Variants in CHN2 observed in about 807,000 individuals in gnomAD.
The protein encoded by CHN2 is beta-chimaerin.
CHN2 carries 35 observed loss-of-function variants against 56.3 expected under a neutral mutation model. The observed-to-expected ratio is 0.62, with a 90% CI of 0.47 to 0.82. The LOEUF is 0.82. Ranked by LOEUF, CHN2 falls within the 40% of genes least tolerant of loss-of-function variation. The probability of loss-of-function intolerance (pLI) is 0.00; values close to 1 mark genes in which losing one functional copy is unlikely to be tolerated. For synonymous variants in CHN2, 210 were observed against 212.8 expected (o/e 0.99, Z 0.12); for missense variants, 491 against 580.5 (o/e 0.85, Z 1.58).
chr7:29,381,747 T>A (rs1800522298), intron 3 of CHN2, among the ~76,000 whole-genome samples: 1 of 135,732 alleles, frequency 7.4e-6, no homozygotes, highest in Admixed American at 9.1e-5. Context: ...GATTTTGATT[T>A]AATGGAAATA....
At chr7:29,189,722 CCAGT>C (rs2128752785) in intron 2 of CHN2, among the ~76,000 whole-genome samples, 1 of 151,814 alleles carries the variant, frequency 6.6e-6, no homozygotes, top group South Asian at 2.1e-4. Context: ...CTCTGTCTTT[CCAGT>C]CAAAGAGACT....
intron 2 of CHN2, among the ~76,000 whole-genome samples, chr7:29,167,186 T>A (rs974896438): frequency 6.6e-6 from 1 of 152,218 alleles, no homozygotes; most frequent in Non-Finnish European, 1.5e-5. Context: ...TTAAACTAAC[T>A]TTTAATTATT....
chr7:29,365,806 A>G (rs1484587882), intron 2 of CHN2, among the ~76,000 whole-genome samples: 1 of 152,208 alleles, frequency 6.6e-6, no homozygotes, highest in African/African-American at 2.4e-5. Flanking sequence ...GCTTTTAAGC[A>G]GGGGAGTGAC....
chr7:29,195,150 C>T, intron 1 of CHN2, 160 bp downstream of exon 1: 1 of 666,816 alleles, frequency 1.5e-6, no homozygotes, highest in Non-Finnish European at 2.3e-6. Flanking sequence ...TCGCCAGCAC[C>T]TCGGTGCCCA....
chr7:29,254,578 A>G (rs529167068), intron 1 of CHN2, among the ~76,000 whole-genome samples: 14 of 152,306 alleles, frequency 9.2e-5, no homozygotes, highest in Admixed American at 2.0e-4. Flanking sequence ...GACTTATGAC[A>G]GGGTTTTAGG....
At chr7:29,239,648 C>G (rs1787494396) in intron 1 of CHN2, among the ~76,000 whole-genome samples, 1 of 152,170 alleles carries the variant, frequency 6.6e-6, no homozygotes, top group Non-Finnish European at 1.5e-5. Context: ...AGCTCTTGTC[C>G]CATTGGTTCA....
chr7:29,189,553 G>A lies in CHN2; in HGVS notation c.274+42593G>A, dbSNP rs576272031. Reference sequence around the variant, plus strand: ...TTAGGACATTGAAGACAGAAAAGATGTTTGTAACCTGAAGTGTCAGGGAAC... The same window carrying A: ...TTAGGACATTGAAGACAGAAAAGATATTTGTAACCTGAAGTGTCAGGGAAC... On this transcript the variant is annotated intron_variant, in intron 2 of 6. Transcript: ENST00000439384. Among the ~76,000 whole-genome samples, 81 of 152,286 alleles carry A rather than the reference G, an allele frequency of 5.3e-4. 1 individual carries two copies. The highest frequency in any genetic ancestry group is 1.0e-3 in the Non-Finnish European group (69 of 68,010).
chr7:29,219,208 C>T (rs191922300), intron 1 of CHN2, among the ~76,000 whole-genome samples: 55 of 152,236 alleles, frequency 3.6e-4, no homozygotes, highest in Non-Finnish European at 4.1e-4. Context: ...GAAACACTCA[C>T]CGTTTCCCAC....
intron 2 of CHN2, among the ~76,000 whole-genome samples, chr7:29,153,485 A>C (rs1356254902): frequency 1.3e-5 from 2 of 152,154 alleles, no homozygotes; most frequent in African/African-American, 4.8e-5. Flanking sequence ...TCTTCAGCCT[A>C]TTCAATGTGA....
intron 1 of CHN2, chr7:29,146,837 T>G: frequency 6.4e-7 from 1 of 1,550,930 alleles, no homozygotes; most frequent in Non-Finnish European, 8.7e-7. Flanking sequence ...TGAAATTATT[T>G]CTGCACTCTA....
intron 1 of CHN2, among the ~76,000 whole-genome samples, chr7:29,353,632 A>T (rs1221096182): frequency 1.3e-5 from 2 of 151,392 alleles, no homozygotes; most frequent in Non-Finnish European, 2.9e-5. Context: ...ACTCTGTCTC[A>T]AAAAAAAAGA....
chr7:29,354,501 A>G (rs1468678001), intron 1 of CHN2, 124 bp from the exon 2 acceptor site: 1 of 801,522 alleles, frequency 1.2e-6, no homozygotes, highest in African/African-American at 1.7e-5. Flanking sequence ...CTAAATGAGA[A>G]GAGAGTCCCC....
intron 2 of CHN2, among the ~76,000 whole-genome samples, chr7:29,362,224 C>T (rs1000161579): frequency 2.0e-5 from 3 of 152,182 alleles, no homozygotes; most frequent in African/African-American, 7.2e-5. Flanking sequence ...AAACTACAGC[C>T]TTTGGGTTTT....
intron 1 of CHN2, among the ~76,000 whole-genome samples, chr7:29,337,474 A>C (rs1284465613): frequency 1.3e-5 from 2 of 152,196 alleles, no homozygotes; most frequent in Non-Finnish European, 2.9e-5. Flanking sequence ...TCATAACAGC[A>C]GAGTGCGGAG....
At chr7:29,247,166 C>T (rs1331060227) in intron 1 of CHN2, among the ~76,000 whole-genome samples, 1 of 152,062 alleles carries the variant, frequency 6.6e-6, no homozygotes, top group Non-Finnish European at 1.5e-5. Flanking sequence ...GAGGGCACTC[C>T]AGGTAGAGGG....
chr7:29,149,198 T>TTTA (rs1793227067), intron 2 of CHN2, among the ~76,000 whole-genome samples: 1 of 144,384 alleles, frequency 6.9e-6, no homozygotes, highest in Admixed American at 6.8e-5. Context: ...CCTTTTTTTT[T>TTTA]TTTTTTTTTT....
chr7:29,443,701 C>T (rs1369805937), intron 6 of CHN2, among the ~76,000 whole-genome samples: 1 of 151,938 alleles, frequency 6.6e-6, no homozygotes, highest in Non-Finnish European at 1.5e-5. Context: ...GCCAAAGGAG[C>T]AGCCCTTATC....
chr7:29,185,883 G>A (rs948500820), intron 2 of CHN2, among the ~76,000 whole-genome samples: 1 of 152,158 alleles, frequency 6.6e-6, no homozygotes, highest in African/African-American at 2.4e-5. Context: ...GCACAGCCCT[G>A]TCCTATGTGT....
intron 6 of CHN2, among the ~76,000 whole-genome samples, chr7:29,474,714 A>G (rs1585527478): frequency 6.6e-6 from 1 of 152,242 alleles, no homozygotes; most frequent in East Asian, 1.9e-4. Flanking sequence ...TGTGGTTGGA[A>G]TACAGGGAGA....
Sources: allele counts gnomAD v4.1 joint callset (sites outside exome capture counted in the v4.1 genomes callset), GRCh38; gene constraint gnomAD v4.1.1; transcripts MANE v1.5; gene names NCBI Gene and HGNC (gene_info 2026-07-23, HGNC 2026-07-21).